The following FRMPD1 variants were observed in gnomAD, a reference collection of about 807,000 sequenced individuals.
FRMPD1 encodes FERM and PDZ domain containing 1, also known as FERM and PDZ domain-containing protein 1.
FRMPD1 carries 76 observed loss-of-function variants against 117.8 expected under a neutral mutation model. That is an observed-to-expected ratio of 0.65 (90% confidence interval 0.54 to 0.78). The LOEUF is 0.78. FRMPD1 is among the 30% of genes least tolerant of loss of function. FRMPD1 has a pLI of 0.00. For missense variants in FRMPD1, 1,786 were observed against 1,964.5 expected, an observed-to-expected ratio of 0.91 and a Z score of 1.72; for synonymous variants, 783 against 770.4, an observed-to-expected ratio of 1.02 and a Z score of -0.27.
intron 5 of FRMPD1, among the ~76,000 whole-genome samples, chr9:37,715,080 T>C (rs1204701220): frequency 6.6e-6 from 1 of 152,220 alleles, no homozygotes; most frequent in Non-Finnish European, 1.5e-5. Context: ...AATCCACAGT[T>C]GCAACATTAA....
At chr9:37,664,816 G>A (rs1821112228) in intron 1 of FRMPD1, among the ~76,000 whole-genome samples, 1 of 152,160 alleles carries the variant, frequency 6.6e-6, no homozygotes, top group Admixed American at 6.5e-5. Context: ...AATTAGGGGT[G>A]ACTGAGTAAT....
At chr9:37,712,831 T>A (rs927101878) in intron 5 of FRMPD1, among the ~76,000 whole-genome samples, 1 of 152,032 alleles carries the variant, frequency 6.6e-6, no homozygotes, top group African/African-American at 2.4e-5. Context: ...GTAATAAAAA[T>A]TAAAATATAA....
At chr9:37,657,365 T>C (rs2119371972) in intron 1 of FRMPD1, among the ~76,000 whole-genome samples, 1 of 152,380 alleles carries the variant, frequency 6.6e-6, no homozygotes, top group East Asian at 1.9e-4. Context: ...TTCAGAAGGA[T>C]GCAAAAGGAA....
chr9:37,708,436 G>T lies in FRMPD1; in HGVS notation c.297G>T (p.Gln99His). 6.2e-7 allele frequency: 1 copy of T among 1,613,614 alleles called. No individual in the cohort carries two copies. The highest frequency in any genetic ancestry group is 1.7e-5 in the Admixed American group (1 of 60,028). Residue 99 changes from glutamine (Q) to histidine (H), a missense_variant, in exon 4 of 16, where the codon CAG becomes CAT. By Grantham distance (24) the Gln-to-His change is conservative. Coordinates refer to ENST00000377765, the MANE Select transcript of FRMPD1 (RefSeq NM_014907.3). ...SAHGKLFPGD[Q>H]ILQMNNEPAE... ...ACGGCAAGCTTTTCCCTGGTGATCA[G>T]ATCCTCCAAATGAACAATGAGCCTG...
the FRMPD1 span, among the ~76,000 whole-genome samples, chr9:37,633,153 C>T: frequency 6.6e-6 from 1 of 151,970 alleles, no homozygotes; most frequent in African/African-American, 2.4e-5. Flanking sequence ...GATTCTCCTG[C>T]CTCAGCCTCC....
At chr9:37,731,531 T>C (rs1823879245) in intron 9 of FRMPD1, among the ~76,000 whole-genome samples, 1 of 152,184 alleles carries the variant, frequency 6.6e-6, no homozygotes, top group Non-Finnish European at 1.5e-5. Context: ...CCCCCTATTC[T>C]ACCTCCTTAG....
chr9:37,684,576 A>G (rs1156960170), intron 1 of FRMPD1, among the ~76,000 whole-genome samples: 1 of 152,184 alleles, frequency 6.6e-6, no homozygotes, highest in Non-Finnish European at 1.5e-5. Flanking sequence ...ATGAAGAGTA[A>G]GGAGACTGGC....
intron 2 of FRMPD1, among the ~76,000 whole-genome samples, chr9:37,694,710 G>A (rs7857464): frequency 0.34 from 52,394 of 151,918 alleles, 9,703 homozygotes; most frequent in Non-Finnish European, 0.43. Flanking sequence ...GTCTATCTCT[G>A]TAGATTTGCC....
Position 37,733,537 on chromosome 9 carries a change from A to G in FRMPD1, c.1060A>G (p.Ile354Val). Reference protein sequence around the residue: ...TLLRNMKGKDIKKAISFHMKR... With the variant: ...TLLRNMKGKDVKKAISFHMKR... ...ACTCCGAAACATGAAAGGCAAAGAC[A>G]TCAAGAAAGCCATTAGCTTCCACAT... is the stretch of plus-strand genomic sequence containing the variant. Residue 354 changes from isoleucine (I) to valine (V), a missense_variant, in exon 11 of 16, where the codon ATC (isoleucine) becomes GTC (valine). By Grantham distance (29) the Ile-to-Val change is conservative (BLOSUM62 3). Coordinates refer to ENST00000377765, the MANE Select transcript of FRMPD1 (RefSeq NM_014907.3). 3.1e-6 allele frequency: 5 copies of G among 1,613,898 alleles called. No homozygotes were observed. Among genetic ancestry groups the G allele is most frequent in the Non-Finnish European group, 4.2e-6 (5 of 1,179,758 alleles).
intron 5 of FRMPD1, among the ~76,000 whole-genome samples, chr9:37,715,290 G>A (rs1211089608): frequency 6.6e-6 from 1 of 152,096 alleles, no homozygotes; most frequent in East Asian, 1.9e-4. Context: ...TACAGATGAG[G>A]ATGCCATGGG....
At chr9:37,643,081 A>G in the FRMPD1 span, among the ~76,000 whole-genome samples, 5 of 152,216 alleles carry the variant, frequency 3.3e-5, no homozygotes, top group African/African-American at 9.6e-5. Context: ...TGCTCCTGAC[A>G]TTTTACCCTT....
chr9:37,619,847 A>T, the FRMPD1 span, among the ~76,000 whole-genome samples: 5 of 151,870 alleles, frequency 3.3e-5, no homozygotes, highest in East Asian at 9.7e-4. Context: ...GATTAGCTTG[A>T]TATAGTGAAG....
At chr9:37,675,531 G>A (rs749125846) in intron 1 of FRMPD1, among the ~76,000 whole-genome samples, 27 of 152,120 alleles carry the variant, frequency 1.8e-4, no homozygotes, top group Non-Finnish European at 3.8e-4. Flanking sequence ...TACAGGAGTT[G>A]GAAAGTGGTT....
At chr9:37,614,335 A>T in the FRMPD1 span, among the ~76,000 whole-genome samples, 1 of 152,248 alleles carries the variant, frequency 6.6e-6, no homozygotes, top group African/African-American at 2.4e-5. Context: ...GAAATGGGAA[A>T]TAACATGGGG....
intron 2 of FRMPD1, among the ~76,000 whole-genome samples, chr9:37,697,379 C>T (rs916005653): frequency 2.6e-5 from 4 of 151,824 alleles, no homozygotes; most frequent in Non-Finnish European, 2.9e-5. Context: ...CTGGCTAACA[C>T]GGTGAAATCC....
chr9:37,732,162 T>C lies in FRMPD1; in HGVS notation c.859-142T>C, dbSNP rs544340541. On this transcript the variant is annotated intron_variant, in intron 9 of 15. Coordinates refer to ENST00000377765, the MANE Select transcript of FRMPD1 (RefSeq NM_014907.3). ...CAAATGCTTGGAGAGTCTTGGTAAC[T>C]TAACCAAGGTCACACAGCCAAGAAC... is the stretch of plus-strand genomic sequence containing the variant. 17 of 780,072 alleles carry C rather than the reference T, an allele frequency of 2.2e-5. No homozygotes were observed. In the African/African-American group the frequency reaches 2.8e-4, roughly 13 times the overall value. 48.3% of individuals were successfully genotyped at this position (780,072 alleles called of 1,614,324 possible).
At chr9:37,664,241 G>T (rs1023858117) in intron 1 of FRMPD1, among the ~76,000 whole-genome samples, 1 of 152,058 alleles carries the variant, frequency 6.6e-6, no homozygotes, top group Non-Finnish European at 1.5e-5. Flanking sequence ...GTGGTGGGGT[G>T]GGGGAGATGC....
At chr9:37,737,313 A>T (rs919547149) in intron 14 of FRMPD1, 70 bp downstream of exon 14, 1 of 1,437,606 alleles carries the variant, frequency 7.0e-7, no homozygotes, top group African/African-American at 1.4e-5. Flanking sequence ...GGGCAGCCTA[A>T]AGGGAGGTGG....
In FRMPD1 at chr9:37,735,517, C is replaced by T. The variant is rs184376895; in HGVS notation, c.1219-35C>T. The T allele has an allele frequency of 6.2e-5, 94 of 1,506,006 alleles. No homozygotes were observed. The Admixed American group carries it at 8.6e-4, about 14-fold the overall frequency. The allele number at this position is 1,506,006 out of a possible 1,614,324, so 93.3% of individuals were successfully genotyped here. On this transcript the variant is annotated intron_variant, in intron 12 of 15. Transcript: ENST00000377765. Reference sequence around the variant, plus strand: ...TGTGAAATGTATTTTCACTCGCTTGCGAATGGAGACTAATTCCCCTTCCAC... The same window carrying T: ...TGTGAAATGTATTTTCACTCGCTTGTGAATGGAGACTAATTCCCCTTCCAC...
Sources: allele counts gnomAD v4.1 joint callset (sites outside exome capture counted in the v4.1 genomes callset), GRCh38; gene constraint gnomAD v4.1.1; transcripts MANE v1.5; gene names NCBI Gene and HGNC (gene_info 2026-07-23, HGNC 2026-07-21).